STAG1: variants seen among roughly 807,000 people sequenced by gnomAD.
The protein encoded by STAG1 is cohesin subunit SA-1.
A neutral mutation model predicts 170.9 loss-of-function variants in STAG1; 26 were observed. The ratio of observed to expected loss-of-function variants is 0.15; its 90% CI spans 0.11 to 0.21. The LOEUF is 0.21. STAG1 is among the 10% of genes least tolerant of loss of function. The pLI, the probability that STAG1 is intolerant of heterozygous loss-of-function variation, is 1.00. For synonymous variants in STAG1, 514 were observed against 497.7 expected, an observed-to-expected ratio of 1.03 and a Z score of -0.44; for missense variants, 964 against 1,509.5, an observed-to-expected ratio of 0.64 and a Z score of 5.99.
chr3:136,725,544 T>C (rs1933614375), intron 1 of STAG1, among the ~76,000 whole-genome samples: 1 of 152,224 alleles, frequency 6.6e-6, no homozygotes, highest in Admixed American at 6.5e-5. Flanking sequence ...CTATGTTTTC[T>C]TGCAAAGCAA....
chr3:136,729,832 C>T (rs1933903765), intron 1 of STAG1, among the ~76,000 whole-genome samples: 1 of 150,670 alleles, frequency 6.6e-6, no homozygotes, highest in Non-Finnish European at 1.5e-5. Context: ...ACCCACCTCG[C>T]CCTCTCAAAG....
At chr3:136,534,510 A>G (rs951131543) in intron 6 of STAG1, among the ~76,000 whole-genome samples, 1 of 152,200 alleles carries the variant, frequency 6.6e-6, no homozygotes, top group African/African-American at 2.4e-5. Flanking sequence ...CAAACTATTC[A>G]TCCAACAGAA....
intron 1 of STAG1, among the ~76,000 whole-genome samples, chr3:136,748,488 C>T (rs904853927): frequency 1.3e-5 from 2 of 152,004 alleles, no homozygotes; most frequent in African/African-American, 2.4e-5. Flanking sequence ...GCTCCGCCTC[C>T]CAGGTTCAAG....
chr3:136,728,548 T>C lies in STAG1; in HGVS notation c.-84+23647A>G, dbSNP rs145712167. 5.2e-3 allele frequency among the ~76,000 whole-genome samples: 788 copies of C among 152,320 alleles called. 4 individuals carry two copies. Among genetic ancestry groups the C allele is most frequent in the Non-Finnish European group, 7.8e-3 (533 of 68,022 alleles). Reference sequence around the variant, plus strand: ...TAGCCCTACCCACCACATGGGGCTATTGTAGGGATTACATGAGTCAATATA... The same window carrying C: ...TAGCCCTACCCACCACATGGGGCTACTGTAGGGATTACATGAGTCAATATA... On this transcript the variant is annotated intron_variant, in intron 1 of 33. Coordinates refer to ENST00000383202, the MANE Select transcript of STAG1 (RefSeq NM_005862.3).
At chr3:136,679,732 A>T (rs1942270276) in intron 1 of STAG1, among the ~76,000 whole-genome samples, 1 of 28,546 alleles carries the variant, frequency 3.5e-5, no homozygotes, top group African/African-American at 1.1e-3. Flanking sequence ...CCGTCTTAAA[A>T]AAAAAAAAAA....
intron 12 of STAG1, among the ~76,000 whole-genome samples, chr3:136,468,204 C>G (rs1194132443): frequency 2.0e-5 from 3 of 151,982 alleles, no homozygotes; most frequent in African/African-American, 7.2e-5. Context: ...TTCAAAAAAT[C>G]AATGAATCTA....
At chr3:136,590,979 G>C (rs1164845463) in intron 4 of STAG1, among the ~76,000 whole-genome samples, 1 of 151,198 alleles carries the variant, frequency 6.6e-6, no homozygotes, top group East Asian at 1.9e-4. Context: ...ATTGGTTTTG[G>C]TTGGGTGTTG....
At chr3:136,653,790 C>T (rs961580840) in intron 1 of STAG1, among the ~76,000 whole-genome samples, 2 of 152,182 alleles carry the variant, frequency 1.3e-5, no homozygotes, top group African/African-American at 4.8e-5. Context: ...AAGGATTATA[C>T]ACCATGACCA....
chr3:136,557,278 G>A lies in STAG1; in HGVS notation c.394+11487C>T, dbSNP rs1936660431. ...AAGAAAGTTAGCTTTCCATCTAAGA[G>A]ACCAATTAGCAGAATAGAGAACCCA... On this transcript the variant is annotated intron_variant, in intron 5 of 33. Transcript: ENST00000383202. Among the ~76,000 whole-genome samples the A allele has an allele frequency of 2.0e-5, 3 of 152,036 alleles. No individual in the cohort carries two copies. In the South Asian group the frequency reaches 6.2e-4, roughly 32 times the overall value.
chr3:136,539,873 T>C (rs1020485785), intron 6 of STAG1, among the ~76,000 whole-genome samples: 1 of 152,190 alleles, frequency 6.6e-6, no homozygotes, highest in South Asian at 2.1e-4. Flanking sequence ...TAGATCACTT[T>C]ACTGAAAATC....
rs1936109702 is a variant in STAG1 at position 136,343,946 on chromosome 3, G to C, written c.3332C>G (p.Pro1111Arg). 2 of 1,612,152 alleles carry C rather than the reference G, an allele frequency of 1.2e-6. No homozygotes were observed. The highest frequency in any genetic ancestry group is 1.7e-6 in the Non-Finnish European group (2 of 1,179,200). Residue 1111 changes from proline to arginine, a missense_variant, in exon 30 of 34, where the codon CCC becomes CGC. Coordinates refer to ENST00000383202, the MANE Select transcript of STAG1 (RefSeq NM_005862.3). ...GGATGTGAGTTGTGGTGCTGGCAGG[G>C]GGCCAGGAGTCTGAATCATGGTGTC... Reference protein sequence around the residue: ...RTDTMIQTPGPLPAPQLTSTV... With the variant: ...RTDTMIQTPGRLPAPQLTSTV...
chr3:136,659,954 G>A (rs1488163390), intron 1 of STAG1, among the ~76,000 whole-genome samples: 1 of 152,124 alleles, frequency 6.6e-6, no homozygotes, highest in African/African-American at 2.4e-5. Flanking sequence ...CAACTCAGGA[G>A]AACTGCTTAA....
At chr3:136,553,730 C>T (rs1196209811) in intron 5 of STAG1, among the ~76,000 whole-genome samples, 4 of 152,194 alleles carry the variant, frequency 2.6e-5, no homozygotes, top group South Asian at 2.1e-4. Flanking sequence ...GCCAAGATCG[C>T]GCCACTGCGC....
Position 136,459,220 on chromosome 3 carries a change from G to GA in STAG1, c.1313+5660dup, listed in dbSNP as rs769155825. On this transcript the variant is annotated intron_variant, in intron 13 of 33. Coordinates refer to ENST00000383202, the MANE Select transcript of STAG1 (RefSeq NM_005862.3). ...CGACAGAGCGAGACTCTGTCTTAAAGAAAAAAAAAAAAAAAAGAAAAGAAA... is the reference window on the plus strand; with the variant it reads ...CGACAGAGCGAGACTCTGTCTTAAAGAAAAAAAAAAAAAAAAAGAAAAGAAA... Among the ~76,000 whole-genome samples, 509 of 91,680 alleles carry GA rather than the reference G, an allele frequency of 5.6e-3. 1 individual carries two copies. Among genetic ancestry groups the GA allele is most frequent in the East Asian group, 0.015 (31 of 2,010 alleles). 60.1% of individuals were successfully genotyped at this position (91,680 alleles called of 152,430 possible).
intron 7 of STAG1, among the ~76,000 whole-genome samples, chr3:136,512,079 A>G (rs1478835975): frequency 7.6e-6 from 1 of 131,700 alleles, no homozygotes; most frequent in Admixed American, 9.0e-5. Flanking sequence ...ACACAGTAAG[A>G]CCTCTTCTCT....
intron 4 of STAG1, among the ~76,000 whole-genome samples, chr3:136,582,450 T>G (rs1202517973): frequency 6.6e-6 from 1 of 152,222 alleles, no homozygotes; most frequent in East Asian, 1.9e-4. Context: ...AAGGAAAAAA[T>G]CCTTTGCTAG....
chr3:136,420,844 G>A (rs909218488), intron 20 of STAG1, among the ~76,000 whole-genome samples: 1 of 152,138 alleles, frequency 6.6e-6, no homozygotes, highest in African/African-American at 2.4e-5. Context: ...GCACGATCTC[G>A]GCTCACGACA....
chr3:136,522,001 G>A (rs1934702857), intron 6 of STAG1, among the ~76,000 whole-genome samples: 1 of 152,132 alleles, frequency 6.6e-6, no homozygotes, highest in South Asian at 2.1e-4. Flanking sequence ...AAAACAATCT[G>A]AGTTCTTGAT....
chr3:136,426,202 T>TC (rs2088118065), intron 16 of STAG1, among the ~76,000 whole-genome samples: 1 of 150,930 alleles, frequency 6.6e-6, no homozygotes, highest in Non-Finnish European at 1.5e-5. Context: ...GGTCAGGAGA[T>TC]CGAGACCATC....
Sources: allele counts gnomAD v4.1 joint callset (sites outside exome capture counted in the v4.1 genomes callset), GRCh38; gene constraint gnomAD v4.1.1; transcripts MANE v1.5; gene names NCBI Gene and HGNC (gene_info 2026-07-23, HGNC 2026-07-21).